Variants in CCDC171 observed in about 807,000 individuals in gnomAD.
CCDC171 encodes the protein coiled-coil domain containing 171, also known as coiled-coil domain-containing protein 171.
Under a neutral mutation model 168.2 loss-of-function variants are expected in CCDC171, and 177 were observed. That is an observed-to-expected ratio of 1.05 (90% confidence interval 0.93 to 1.19). The LOEUF (loss-of-function observed/expected upper bound fraction) is 1.19, where lower values mean the gene tolerates loss of function less well. Ranked by LOEUF, CCDC171 falls within the 50% of genes most tolerant of loss-of-function variation. CCDC171 has a pLI of 0.00. For synonymous variants in CCDC171, 687 were observed against 540.8 expected (o/e 1.27, Z -3.75); for missense variants, 1,991 against 1,539.0 (o/e 1.29, Z -4.91).
At chr9:15,578,427 A>C (rs1587099077) in intron 3 of CCDC171, among the ~76,000 whole-genome samples, 1 of 144,786 alleles carries the variant, frequency 6.9e-6, no homozygotes, top group African/African-American at 2.5e-5. Context: ...TATTATTATT[A>C]TTATTATTAT....
intron 18 of CCDC171, among the ~76,000 whole-genome samples, chr9:15,761,552 A>G (rs1246486685): frequency 6.6e-6 from 1 of 152,208 alleles, no homozygotes; most frequent in African/African-American, 2.4e-5. Flanking sequence ...GTGCATTTTA[A>G]CAAGATCCTC....
At chr9:15,740,113 A>G (rs990695101) in intron 16 of CCDC171, among the ~76,000 whole-genome samples, 5 of 152,286 alleles carry the variant, frequency 3.3e-5, no homozygotes, top group African/African-American at 1.2e-4. Flanking sequence ...TAACAATCCT[A>G]TCTTTATAAC....
At chr9:15,794,827 T>C (rs948587722) in intron 21 of CCDC171, among the ~76,000 whole-genome samples, 24 of 152,338 alleles carry the variant, frequency 1.6e-4, no homozygotes, top group African/African-American at 5.8e-4. Context: ...AATGTAGTCG[T>C]GATGATTTTT....
chr9:16,030,068 G>C (rs541028260), intron 6 of CCDC171, among the ~76,000 whole-genome samples: 1 of 152,142 alleles, frequency 6.6e-6, no homozygotes, highest in African/African-American at 2.4e-5. Flanking sequence ...GCTCTCTGGG[G>C]CCTCTTTTTT....
intron 6 of CCDC171, among the ~76,000 whole-genome samples, chr9:15,599,165 T>C (rs1478461271): frequency 6.6e-6 from 1 of 152,226 alleles, no homozygotes; most frequent in Non-Finnish European, 1.5e-5. Context: ...ATTAACGTTG[T>C]TATGTGTGAA....
At chr9:15,679,617 C>A (rs547150561) in intron 10 of CCDC171, among the ~76,000 whole-genome samples, 1 of 152,112 alleles carries the variant, frequency 6.6e-6, no homozygotes, top group Non-Finnish European at 1.5e-5. Context: ...TGGTGCAACC[C>A]TAGCTCACTG....
At chr9:15,728,116 A>C (rs959335765) in intron 15 of CCDC171, 80 bp downstream of exon 15, 1 of 1,048,476 alleles carries the variant, frequency 9.5e-7, no homozygotes, top group Non-Finnish European at 1.4e-6. Context: ...AGAGGGGCTG[A>C]CATTCATCTT....
chr9:15,894,070 T>C (rs1437354404), intron 24 of CCDC171, among the ~76,000 whole-genome samples: 4 of 152,192 alleles, frequency 2.6e-5, no homozygotes, highest in Non-Finnish European at 5.9e-5. Context: ...ATGTGGTACA[T>C]ACACACCATG....
rs908589724 is a variant in CCDC171, at chr9:15,857,675, C to T, written c.3468+8728C>T. 7.3e-4 allele frequency among the ~76,000 whole-genome samples: 111 copies of T among 151,868 alleles called. 1 individual carries two copies. Among genetic ancestry groups the T allele is most frequent in the African/African-American group, 2.3e-3 (97 of 41,338 alleles). On this transcript the variant is annotated intron_variant, in intron 23 of 25. Coordinates refer to ENST00000380701, the MANE Select transcript of CCDC171 (RefSeq NM_173550.4). ...TGTCCTCAAGTTATCCACCCCACCTCGGCCTCAGAAAGTGCTGGGATTACA... is the reference window on the plus strand; with the variant it reads ...TGTCCTCAAGTTATCCACCCCACCTTGGCCTCAGAAAGTGCTGGGATTACA...
At chr9:15,846,362 C>T (rs1025364246) in intron 21 of CCDC171, among the ~76,000 whole-genome samples, 32 of 152,038 alleles carry the variant, frequency 2.1e-4, no homozygotes, top group Admixed American at 1.3e-4. Context: ...ATTTCATGTG[C>T]TTTCTCCCCT....
intron 25 of CCDC171, among the ~76,000 whole-genome samples, chr9:15,952,366 C>G (rs1318880984): frequency 6.6e-6 from 1 of 151,996 alleles, no homozygotes; most frequent in South Asian, 2.1e-4. Flanking sequence ...TATTTCCAGT[C>G]CCTTGAGATT....
intron 21 of CCDC171, among the ~76,000 whole-genome samples, chr9:15,804,455 C>T (rs1329719139): frequency 4.0e-5 from 5 of 124,232 alleles, no homozygotes; most frequent in Middle Eastern, 8.6e-3. Flanking sequence ...TGAATTTTAT[C>T]GAAGGCCTTT....
chr9:15,710,722 C>T (rs955590924), intron 11 of CCDC171, among the ~76,000 whole-genome samples: 5 of 152,040 alleles, frequency 3.3e-5, no homozygotes, highest in South Asian at 2.1e-4. Flanking sequence ...CATCCTCCCG[C>T]GTACCTGAGA....
Position 15,863,806 on chromosome 9 carries a change from T to A in CCDC171, c.3469-10726T>A, listed in dbSNP as rs184886191. Among the ~76,000 whole-genome samples the A allele has an allele frequency of 2.0e-5, 3 of 152,192 alleles. No homozygotes were observed. In the East Asian group the frequency reaches 5.8e-4, roughly 30 times the overall value. ...TTTTCGTGGCATACACAGTTTTTTGTTGAAAAGTAGATATTTTGAAAATTA... is the reference window on the plus strand; with the variant it reads ...TTTTCGTGGCATACACAGTTTTTTGATGAAAAGTAGATATTTTGAAAATTA... On this transcript the variant is annotated intron_variant, in intron 23 of 25. Transcript: ENST00000380701.
chr9:15,555,425 T>C (rs1328974392), intron 1 of CCDC171, among the ~76,000 whole-genome samples: 1 of 152,116 alleles, frequency 6.6e-6, no homozygotes, highest in East Asian at 1.9e-4. Context: ...TGAGTAATCT[T>C]TTGTTGAGAA....
intron 21 of CCDC171, among the ~76,000 whole-genome samples, chr9:15,828,607 T>G (rs1416819463): frequency 6.6e-6 from 1 of 152,138 alleles, no homozygotes; most frequent in Non-Finnish European, 1.5e-5. Context: ...ATGCATAGAT[T>G]TAAGTGCAAT....
chr9:15,800,848 T>A (rs10962167), intron 21 of CCDC171, among the ~76,000 whole-genome samples: 60,343 of 151,990 alleles, frequency 0.4, 13,424 homozygotes, highest in East Asian at 0.66. Context: ...CAATTTTCCC[T>A]ACACTATTTA....
intron 7 of CCDC171, among the ~76,000 whole-genome samples, chr9:15,629,875 A>C (rs1236204954): frequency 6.6e-6 from 1 of 152,240 alleles, no homozygotes; most frequent in African/African-American, 2.4e-5. Context: ...CCAATATTCA[A>C]CATTCTTAAA....
At chr9:15,894,119 C>T (rs1195918296) in intron 24 of CCDC171, among the ~76,000 whole-genome samples, 1 of 152,128 alleles carries the variant, frequency 6.6e-6, no homozygotes, top group East Asian at 1.9e-4. Flanking sequence ...AGGTCGTGTT[C>T]TTTGTGGGAA....
Sources: gnomAD v4.1 joint callset for allele counts (sites outside exome capture counted in the v4.1 genomes callset) on GRCh38, gnomAD v4.1.1 for gene constraint, MANE v1.5 for transcripts, NCBI Gene and HGNC (gene_info 2026-07-23, HGNC 2026-07-21) for gene names.